Variants in RAPGEF1 observed in about 807,000 individuals in gnomAD.
The protein encoded by RAPGEF1 is Rap guanine nucleotide exchange factor 1.
A neutral mutation model predicts 143.3 loss-of-function variants in RAPGEF1; 33 were observed. The ratio of observed to expected loss-of-function variants is 0.23; its 90% CI spans 0.17 to 0.31. RAPGEF1 has a LOEUF of 0.31. RAPGEF1 is among the 10% of genes least tolerant of loss of function. The pLI is 1.00. For missense variants in RAPGEF1, 1,199 were observed against 1,645.4 expected, an observed-to-expected ratio of 0.73 and a Z score of 4.69; for synonymous variants, 629 against 676.5, an observed-to-expected ratio of 0.93 and a Z score of 1.09.
intron 1 of RAPGEF1, among the ~76,000 whole-genome samples, chr9:131,701,447 AT>A (rs984660157): frequency 5.3e-5 from 8 of 152,340 alleles, no homozygotes; most frequent in Non-Finnish European, 8.8e-5. Context: ...CTTTAGTTAC[AT>A]GTCAACTGCT....
At chr9:131,653,121 C>T (rs1413406261) in intron 1 of RAPGEF1, among the ~76,000 whole-genome samples, 1 of 152,200 alleles carries the variant, frequency 6.6e-6, no homozygotes, top group Non-Finnish European at 1.5e-5. Flanking sequence ...TTAGCATCCT[C>T]AGGGGCTTGG....
intron 1 of RAPGEF1, among the ~76,000 whole-genome samples, chr9:131,652,466 C>G (rs1051919086): frequency 1.3e-5 from 2 of 151,892 alleles, no homozygotes; most frequent in African/African-American, 4.8e-5. Flanking sequence ...CCCAGGTGGG[C>G]AAAAATATTT....
chr9:131,661,907 T>TA (rs1974205464), intron 1 of RAPGEF1, among the ~76,000 whole-genome samples: 1 of 152,224 alleles, frequency 6.6e-6, no homozygotes, highest in African/African-American at 2.4e-5. Context: ...AAATCACCAG[T>TA]AAATAAGCAT....
chr9:131,664,205 C>G (rs1391510514), intron 1 of RAPGEF1, among the ~76,000 whole-genome samples: 2 of 152,128 alleles, frequency 1.3e-5, no homozygotes, highest in East Asian at 3.8e-4. Flanking sequence ...AAAGAAGCTC[C>G]AGAATCACCC....
intron 1 of RAPGEF1, among the ~76,000 whole-genome samples, chr9:131,724,333 C>T (rs567291551): frequency 5.3e-5 from 8 of 152,338 alleles, no homozygotes; most frequent in African/African-American, 1.9e-4. Flanking sequence ...CGGTGGCTCA[C>T]GCCTGTAATC....
At chr9:131,677,830 C>T (rs1432853931) in intron 1 of RAPGEF1, among the ~76,000 whole-genome samples, 1 of 152,186 alleles carries the variant, frequency 6.6e-6, no homozygotes, top group Non-Finnish European at 1.5e-5. Flanking sequence ...CAGAGCTCGG[C>T]CTTAACACGA....
chr9:131,632,417 G>A (rs911715986), intron 5 of RAPGEF1, among the ~76,000 whole-genome samples: 4 of 151,194 alleles, frequency 2.6e-5, no homozygotes, highest in African/African-American at 4.9e-5. Flanking sequence ...GTGAGCCACC[G>A]CGCCCGGCCA....
intron 12 of RAPGEF1, among the ~76,000 whole-genome samples, chr9:131,616,933 C>T (rs1476201244): frequency 6.6e-6 from 1 of 152,164 alleles, no homozygotes; most frequent in East Asian, 1.9e-4. Flanking sequence ...CTGAGGTATT[C>T]TCCTTTTAAT....
rs1167722636 is a variant in RAPGEF1, at chr9:131,621,147, C to T, written c.1905+649G>A. Among the ~76,000 whole-genome samples the T allele has an allele frequency of 1.3e-5, 2 of 152,270 alleles. No individual in the cohort carries two copies. Among genetic ancestry groups the T allele is most frequent in the Non-Finnish European group, 2.9e-5 (2 of 68,044 alleles). ...CACCCTCCCAGTGCCTGGGCAGTTC[C>T]AGAGCCTCATGGGGTGCCCACGGTG... On this transcript the variant is annotated intron_variant, in intron 11 of 26. Transcript: ENST00000683357. This position sits in a 1 kb window ranked among gnomAD's most constrained non-coding sequence, Gnocchi z 4.5.
At chr9:131,692,211 G>A (rs995234022) in intron 1 of RAPGEF1, among the ~76,000 whole-genome samples, 1 of 152,186 alleles carries the variant, frequency 6.6e-6, no homozygotes, top group Non-Finnish European at 1.5e-5. Context: ...GGCCAAGTTT[G>A]ACGAGACTAA....
intron 1 of RAPGEF1, among the ~76,000 whole-genome samples, chr9:131,736,275 A>G (rs779540270): frequency 6.7e-4 from 102 of 152,080 alleles, no homozygotes; most frequent in Non-Finnish European, 2.5e-4. Context: ...CGTCATCTCT[A>G]GAAGCACTGT....
intron 1 of RAPGEF1, among the ~76,000 whole-genome samples, chr9:131,709,016 A>G (rs1835306378): frequency 6.6e-6 from 1 of 151,980 alleles, no homozygotes; most frequent in Admixed American, 6.6e-5. Context: ...TACAGGCGTG[A>G]GCCCCTGTGC....
At chr9:131,697,656 TGGCTCA>T (rs1258595928) in intron 1 of RAPGEF1, among the ~76,000 whole-genome samples, 5 of 152,252 alleles carry the variant, frequency 3.3e-5, no homozygotes. Flanking sequence ...GCCTTGGAGA[TGGCTCA>T]AAGTGTCCAC....
chr9:131,596,119 G>A (rs1955244862), intron 17 of RAPGEF1, among the ~76,000 whole-genome samples, 179 bp downstream of exon 17: 1 of 152,156 alleles, frequency 6.6e-6, no homozygotes, highest in South Asian at 2.1e-4. Context: ...GCCTGGAGTT[G>A]AACATGATCT....
rs1329591686 is a variant in RAPGEF1 at position 131,621,770 on chromosome 9, T to C, written c.1905+26A>G. The C allele has an allele frequency of 2.5e-6, 4 of 1,580,822 alleles. No homozygotes were observed. Among genetic ancestry groups the C allele is most frequent in the Non-Finnish European group, 3.4e-6 (4 of 1,164,072 alleles). ...AGAGACCTGCTAGGATCGGAAGTTC[T>C]AGTCACAAGGGAAGGTGTCACTCAC... On this transcript the variant is annotated intron_variant, in intron 11 of 26. Coordinates refer to ENST00000683357, the MANE Select transcript of RAPGEF1 (RefSeq NM_001377935.1). This position sits in a 1 kb window ranked among gnomAD's most constrained non-coding sequence, Gnocchi z 4.5.
intron 22 of RAPGEF1, among the ~76,000 whole-genome samples, chr9:131,587,465 C>T (rs1953344593): frequency 6.6e-6 from 1 of 152,244 alleles, no homozygotes; most frequent in South Asian, 2.1e-4. Context: ...TCACGCCCTT[C>T]CCAACACCAC....
intron 1 of RAPGEF1, among the ~76,000 whole-genome samples, chr9:131,730,670 G>A (rs1836994127): frequency 7.9e-6 from 1 of 126,980 alleles, no homozygotes; most frequent in South Asian, 2.6e-4. Context: ...ACTCCAGCCT[G>A]GGCAACAGCA....
chr9:131,683,503 T>A (rs1833086674), intron 1 of RAPGEF1, among the ~76,000 whole-genome samples: 1 of 152,256 alleles, frequency 6.6e-6, no homozygotes, highest in Non-Finnish European at 1.5e-5. Context: ...TGCCTTCTCC[T>A]GTTATAATTC....
chr9:131,684,846 G>A (rs1162519986), intron 1 of RAPGEF1, among the ~76,000 whole-genome samples: 8 of 152,218 alleles, frequency 5.3e-5, no homozygotes, highest in African/African-American at 1.9e-4. Flanking sequence ...GATTCCGGGA[G>A]GATCCCAAGG....
Sources: gnomAD v4.1 joint callset for allele counts (sites outside exome capture counted in the v4.1 genomes callset) on GRCh38, gnomAD v4.1.1 for gene constraint, Gnocchi (gnomAD v3.1) non-coding constraint, MANE v1.5 for transcripts, NCBI Gene and HGNC (gene_info 2026-07-23, HGNC 2026-07-21) for gene names.